The following COX7A2L variants were observed in gnomAD, a reference collection of about 807,000 sequenced individuals.
The protein encoded by COX7A2L is cytochrome c oxidase subunit 7A2 like.
COX7A2L carries 18 observed loss-of-function variants against 14.2 expected under a neutral mutation model. The observed-to-expected ratio is 1.27, with a 90% confidence interval of 0.88 to 1.88. The LOEUF (loss-of-function observed/expected upper bound fraction) is 1.88, where lower values mean the gene tolerates loss of function less well. COX7A2L is among the 40% of genes most tolerant of loss of function. The pLI is 0.00. For synonymous variants in COX7A2L, 65 were observed against 57.4 expected (o/e 1.13, Z -0.60); for missense variants, 179 against 138.8 (o/e 1.29, Z -1.46).
intron 1 of COX7A2L, 30 bp downstream of exon 1, chr2:42,361,060 A>G (rs763336757): frequency 1.9e-6 from 3 of 1,610,774 alleles, no homozygotes; most frequent in South Asian, 2.2e-5. Flanking sequence ...GCCACTTCTC[A>G]TGTCCGAGCT....
At chr2:42,362,597 G>T (rs1386893376), upstream of COX7A2L, among the ~76,000 whole-genome samples, 2 of 152,144 alleles carry the variant, frequency 1.3e-5, no homozygotes, top group African/African-American at 4.8e-5. Context: ...CAAATAAATA[G>T]ATATGAAGCC....
chr2:42,364,367 C>G (rs527653560), upstream of COX7A2L, among the ~76,000 whole-genome samples: 1 of 151,840 alleles, frequency 6.6e-6, no homozygotes, highest in African/African-American at 2.4e-5. Flanking sequence ...GCCCATTCTA[C>G]GGTAGTTTCC....
At chr2:42,341,522 G>A (rs1192010508) in intron 2 of COX7A2L, among the ~76,000 whole-genome samples, 3 of 152,166 alleles carry the variant, frequency 2.0e-5, no homozygotes, top group Non-Finnish European at 4.4e-5. Context: ...CTAGCCAGCA[G>A]TGCTCCCCCA....
upstream of COX7A2L, among the ~76,000 whole-genome samples, chr2:42,364,507 C>A (rs1002474523): frequency 6.6e-6 from 1 of 152,132 alleles, no homozygotes; most frequent in African/African-American, 2.4e-5. Context: ...CCAAGAAAAG[C>A]ATCCCCAGTA....
At chr2:42,361,382 A>G (rs1671045816), upstream of COX7A2L, 1 of 505,094 alleles carries the variant, frequency 2.0e-6, no homozygotes, top group South Asian at 2.8e-5. Flanking sequence ...GCTCTAAGAG[A>G]GCACGCAAAG....
intron 1 of COX7A2L, among the ~76,000 whole-genome samples, chr2:42,360,196 G>C (rs534706165): frequency 2.0e-5 from 3 of 152,160 alleles, no homozygotes; most frequent in African/African-American, 7.2e-5. Flanking sequence ...GGATTAGGAG[G>C]GAATATACTA....
chr2:42,360,934 G>A (rs1302069834), intron 1 of COX7A2L, 156 bp downstream of exon 1: 5 of 739,340 alleles, frequency 6.8e-6, no homozygotes, highest in South Asian at 1.5e-5. Context: ...AGTGACCACC[G>A]TACGCTGGTG....
In COX7A2L at chr2:42,339,233, G is replaced by A. The variant is rs1670350095; in HGVS notation, c.193-5364C>T. On this transcript the variant is annotated intron_variant, in intron 2 of 2. Transcript: ENST00000468711. This position sits in a 1 kb window ranked among gnomAD's most constrained non-coding sequence, Gnocchi z 5.4. ...CAAGTTTAAACACAAGGATTTGCCAGGGAGGGCACTCAGGAAACCACAGAC... is the reference window on the plus strand; with the variant it reads ...CAAGTTTAAACACAAGGATTTGCCAAGGAGGGCACTCAGGAAACCACAGAC... Among the ~76,000 whole-genome samples, 1 of 152,204 alleles carries A rather than the reference G, an allele frequency of 6.6e-6. No individual in the cohort carries two copies. The highest frequency in any genetic ancestry group is 2.4e-5 in the African/African-American group (1 of 41,442).
intron 2 of COX7A2L, among the ~76,000 whole-genome samples, chr2:42,352,010 G>A (rs939163095): frequency 1.3e-5 from 2 of 152,248 alleles, no homozygotes; most frequent in Admixed American, 6.5e-5. Context: ...GTGCTGGCAC[G>A]AGAAACGTTC....
rs887843202 is a variant in COX7A2L at position 42,338,657 on chromosome 2, C to A, written c.193-4788G>T. On this transcript the variant is annotated intron_variant, in intron 2 of 2. Transcript: ENST00000468711. This position sits in a 1 kb window ranked among gnomAD's most constrained non-coding sequence, Gnocchi z 4.4. ...TTAGTGTGATTCAACTCCATCCCCA[C>A]CTGGCGGTCAGCCTGTCGAGGGGCC... is the stretch of plus-strand genomic sequence containing the variant. Among the ~76,000 whole-genome samples, 2 of 152,202 alleles carry A rather than the reference C, an allele frequency of 1.3e-5. 1 individual carries two copies. Among genetic ancestry groups the A allele is most frequent in the East Asian group, 3.9e-4 (2 of 5,188 alleles).
At chr2:42,361,002 C>T (rs1020038285) in intron 1 of COX7A2L, 88 bp downstream of exon 1, 1 of 1,421,716 alleles carries the variant, frequency 7.0e-7, no homozygotes, top group Non-Finnish European at 9.8e-7. Flanking sequence ...CGGGCAGAAG[C>T]CTCCCCTGGC....
At chr2:42,359,544 T>G (rs1013269453) in intron 1 of COX7A2L, 1 of 152,238 alleles carries the variant, frequency 6.6e-6, no homozygotes, top group Non-Finnish European at 1.5e-5. Flanking sequence ...CACTGCTGAC[T>G]ATTCCTTCCT....
At chr2:42,337,700 TG>T (rs1449419407) in intron 2 of COX7A2L, among the ~76,000 whole-genome samples, 1 of 151,310 alleles carries the variant, frequency 6.6e-6, no homozygotes, top group African/African-American at 2.5e-5. Flanking sequence ...GAAGGGTTCA[TG>T]GGACTCTTAT....
intron 2 of COX7A2L, among the ~76,000 whole-genome samples, chr2:42,337,215 A>G (rs1670295914): frequency 6.6e-6 from 1 of 152,212 alleles, no homozygotes; most frequent in South Asian, 2.1e-4. Context: ...TTAAAAAGTG[A>G]TGTTGCTACT....
Position 42,350,381 on chromosome 2 carries a change from AC to A in COX7A2L, c.*837del, listed in dbSNP as rs763297372. 3 of 152,178 alleles carry A rather than the reference AC, an allele frequency of 2.0e-5. No homozygotes were observed. Among genetic ancestry groups the A allele is most frequent in the Non-Finnish European group, 4.4e-5 (3 of 68,026 alleles). 9.4% of individuals were successfully genotyped at this position (152,178 alleles called of 1,614,324 possible). A position where few individuals can be genotyped will look rare whatever the true frequency, so the allele number is the denominator to read the frequency against. ...GACTCCTATTACTAGACTTTTAAGA[AC>A]CATTTTATAAAGATTATCTGGTGCC... On this transcript the variant is annotated 3_prime_UTR_variant, in exon 3 of 3. Coordinates refer to ENST00000234301, the MANE Select transcript of COX7A2L (RefSeq NM_004718.4).
rs377605062 is a variant in COX7A2L, at chr2:42,338,663, G to A, written c.193-4794C>T. Among the ~76,000 whole-genome samples the A allele has an allele frequency of 6.8e-4, 104 of 152,130 alleles. No homozygotes were observed. Among genetic ancestry groups the A allele is most frequent in the African/African-American group, 2.4e-3 (99 of 41,494 alleles). ...TGATTCAACTCCATCCCCACCTGGC[G>A]GTCAGCCTGTCGAGGGGCCAGTGAG... On this transcript the variant is annotated intron_variant, in intron 2 of 2. Coordinates refer to the COX7A2L transcript ENST00000468711. This position sits in a 1 kb window ranked among gnomAD's most constrained non-coding sequence, Gnocchi z 4.4.
At chr2:42,364,172 A>AC (rs1671112733), upstream of COX7A2L, among the ~76,000 whole-genome samples, 1 of 149,150 alleles carries the variant, frequency 6.7e-6, no homozygotes, top group Non-Finnish European at 1.5e-5. Context: ...AATGGCGTGA[A>AC]CCCGGGAGGC....
chr2:42,360,619 C>T (rs1200021762), intron 1 of COX7A2L, among the ~76,000 whole-genome samples: 2 of 152,176 alleles, frequency 1.3e-5, no homozygotes, highest in Admixed American at 1.3e-4. Flanking sequence ...ATCATAGCCC[C>T]CCAACCCCCT....
chr2:42,351,715 T>C (rs1670652713), intron 2 of COX7A2L, among the ~76,000 whole-genome samples: 1 of 152,222 alleles, frequency 6.6e-6, no homozygotes, highest in Non-Finnish European at 1.5e-5. Flanking sequence ...GGCTCACACC[T>C]GTAATCCCAG....
Sources: allele counts gnomAD v4.1 joint callset (sites outside exome capture counted in the v4.1 genomes callset), GRCh38; gene constraint gnomAD v4.1.1; non-coding constraint Gnocchi (gnomAD v3.1); transcripts MANE v1.5; gene names NCBI Gene and HGNC (gene_info 2026-07-23, HGNC 2026-07-21).